ZNF529: variants seen among roughly 807,000 people sequenced by gnomAD.
The protein encoded by ZNF529 is zinc finger protein 529.
A neutral mutation model predicts 10.1 loss-of-function variants in ZNF529; 11 were observed. The ratio of observed to expected loss-of-function variants is 1.09; its 90% CI spans 0.69 to 1.81. ZNF529 has a LOEUF of 1.81. Ranked by LOEUF, ZNF529 falls within the 40% of genes most tolerant of loss-of-function variation. The pLI is 0.00. For missense variants in ZNF529, 624 were observed against 666.8 expected, an observed-to-expected ratio of 0.94 and a Z score of 0.71; for synonymous variants, 204 against 215.7, an observed-to-expected ratio of 0.95 and a Z score of 0.47.
At chr19:36,562,025 G>A in intron 2 of ZNF529, among the ~76,000 whole-genome samples, 1 of 152,118 alleles carries the variant, frequency 6.6e-6, no homozygotes, top group Middle Eastern at 3.4e-3. Flanking sequence ...CATCTGAGGT[G>A]GGGAGTTCAA....
intron 1 of ZNF529, among the ~76,000 whole-genome samples, chr19:36,592,975 C>T (rs1405624588): frequency 6.6e-6 from 1 of 152,106 alleles, no homozygotes; most frequent in Non-Finnish European, 1.5e-5. Context: ...TCTATGAAAA[C>T]TTCCAGCTAT....
chr19:36,549,927 G>C (rs2035194887), intron 4 of ZNF529, among the ~76,000 whole-genome samples: 1 of 152,148 alleles, frequency 6.6e-6, no homozygotes, highest in African/African-American at 2.4e-5. Flanking sequence ...ACAGTTCTGA[G>C]CAAGGGCTTA....
In ZNF529 at chr19:36,544,852, C is replaced by T. The variant is rs1323953957; in HGVS notation, c.*2014G>A. 1.3e-5 allele frequency: 2 copies of T among 152,162 alleles called. No individual in the cohort carries two copies. Among genetic ancestry groups the T allele is most frequent in the Admixed American group, 6.5e-5 (1 of 15,272 alleles). 9.4% of individuals were successfully genotyped at this position (152,162 alleles called of 1,614,324 possible). A position where few individuals can be genotyped will look rare whatever the true frequency, so the allele number is the denominator to read the frequency against. ...TAGAGTACATAAATTCTGGGAAAGA[C>T]ATCAGTTTCAAAAATTAAAATGTAA... On this transcript the variant is annotated 3_prime_UTR_variant, in exon 5 of 5. Coordinates refer to ENST00000591340, the MANE Select transcript of ZNF529 (RefSeq NM_020951.5).
intron 4 of ZNF529, among the ~76,000 whole-genome samples, chr19:36,550,136 A>G (rs2035204213): frequency 6.6e-6 from 1 of 152,234 alleles, no homozygotes; most frequent in African/African-American, 2.4e-5. Flanking sequence ...TCTGTGACTT[A>G]ATTATGTATA....
intron 2 of ZNF529, among the ~76,000 whole-genome samples, chr19:36,579,653 A>G (rs2036420111): frequency 6.6e-6 from 1 of 152,250 alleles, no homozygotes; most frequent in Non-Finnish European, 1.5e-5. Context: ...GCAAAGGTAC[A>G]GTAAAAATAC....
intron 2 of ZNF529, chr19:36,582,515 C>T (rs1303581586): frequency 3.3e-5 from 5 of 151,984 alleles, no homozygotes; most frequent in Admixed American, 3.3e-4. Context: ...ACCATCCTGA[C>T]TAACATGGTG....
chr19:36,572,676 C>G (rs572314626), intron 1 of ZNF529, among the ~76,000 whole-genome samples: 95 of 152,244 alleles, frequency 6.2e-4, no homozygotes, highest in African/African-American at 2.2e-3. Flanking sequence ...TACACCTATG[C>G]CCTCCCCTTC....
chr19:36,571,748 A>C (rs1439415473), intron 2 of ZNF529, among the ~76,000 whole-genome samples: 1 of 151,788 alleles, frequency 6.6e-6, no homozygotes, highest in African/African-American at 2.4e-5. Flanking sequence ...TTTGCATTAG[A>C]CTGTGCTGCT....
upstream of ZNF529, among the ~76,000 whole-genome samples, chr19:36,574,669 C>T (rs1160441454): frequency 1.3e-5 from 2 of 152,086 alleles, no homozygotes; most frequent in East Asian, 1.9e-4. Context: ...CTGTCAGTTC[C>T]GGAATTCCAT....
intron 2 of ZNF529, chr19:36,582,506 C>G (rs1222077142): frequency 6.6e-6 from 1 of 151,920 alleles, no homozygotes; most frequent in African/African-American, 2.4e-5. Flanking sequence ...GAGATCGAGA[C>G]CATCCTGACT....
At chr19:36,597,902 C>G (rs2036864780) in intron 1 of ZNF529, among the ~76,000 whole-genome samples, 1 of 151,996 alleles carries the variant, frequency 6.6e-6, no homozygotes, top group Non-Finnish European at 1.5e-5. Context: ...TCAGTGGGAC[C>G]CCAGGAGACT....
At chr19:36,576,142 C>T (rs1202349519), upstream of ZNF529, among the ~76,000 whole-genome samples, 1 of 152,032 alleles carries the variant, frequency 6.6e-6, no homozygotes, top group East Asian at 2.0e-4. Flanking sequence ...CCACTGCACC[C>T]GGCCTCACGT....
Position 36,545,515 on chromosome 19 carries a change from A to C in ZNF529, c.*1351T>G, listed in dbSNP as rs1391158953. 1 of 150,458 alleles carries C rather than the reference A, an allele frequency of 6.6e-6. No homozygotes were observed. Among genetic ancestry groups the C allele is most frequent in the African/African-American group, 2.5e-5 (1 of 40,608 alleles). 9.3% of individuals were successfully genotyped at this position (150,458 alleles called of 1,614,324 possible). On this transcript the variant is annotated 3_prime_UTR_variant, in exon 5 of 5. Coordinates refer to ENST00000591340, the MANE Select transcript of ZNF529 (RefSeq NM_020951.5). ...CACTCCAGCCTAGGCAACAAGAGCAAAACTCTGTCTAAAAAAAAAGAAAAA... is the reference window on the plus strand; with the variant it reads ...CACTCCAGCCTAGGCAACAAGAGCACAACTCTGTCTAAAAAAAAAGAAAAA...
chr19:36,568,482 T>C (rs1600301415), intron 2 of ZNF529, among the ~76,000 whole-genome samples: 1 of 151,732 alleles, frequency 6.6e-6, no homozygotes, highest in Admixed American at 6.6e-5. Context: ...TTCTTTTTTT[T>C]TTTTTTTTAC....
At chr19:36,566,595 C>T (rs956030136) in intron 2 of ZNF529, among the ~76,000 whole-genome samples, 3 of 6,192 alleles carry the variant, frequency 4.8e-4, no homozygotes, top group African/African-American at 1.4e-3. Flanking sequence ...AGGTGGGGGG[C>T]GGGGGTGTGT....
At chr19:36,560,638 G>T (rs898258467) in intron 2 of ZNF529, among the ~76,000 whole-genome samples, 1 of 152,022 alleles carries the variant, frequency 6.6e-6, no homozygotes. Flanking sequence ...ACAACGATTG[G>T]TTGAGTTTGA....
At chr19:36,598,869 T>C (rs76191399) in intron 1 of ZNF529, among the ~76,000 whole-genome samples, 149 of 152,344 alleles carry the variant, frequency 9.8e-4, no homozygotes, top group African/African-American at 3.4e-3. Context: ...CTTCTGTCCT[T>C]AACATGCTTT....
At chr19:36,588,644 G>A (rs2036634910) in intron 2 of ZNF529, among the ~76,000 whole-genome samples, 2 of 152,120 alleles carry the variant, frequency 1.3e-5, no homozygotes, top group South Asian at 2.1e-4. Flanking sequence ...AAGATTCAAA[G>A]GGGCCATGAC....
intron 2 of ZNF529, among the ~76,000 whole-genome samples, chr19:36,579,674 A>G (rs1162068218): frequency 3.9e-5 from 6 of 152,228 alleles, no homozygotes; most frequent in Admixed American, 2.6e-4. Flanking sequence ...TGTATAAAAT[A>G]TTAAAAAATG....
Sources: allele counts gnomAD v4.1 joint callset (sites outside exome capture counted in the v4.1 genomes callset), GRCh38; gene constraint gnomAD v4.1.1; transcripts MANE v1.5; gene names NCBI Gene and HGNC (gene_info 2026-07-23, HGNC 2026-07-21).